ITGB2: variants seen among roughly 807,000 people sequenced by gnomAD.
ITGB2 encodes integrin subunit beta 2, also known as integrin beta-2.
A neutral mutation model predicts 86.8 loss-of-function variants in ITGB2; 56 were observed. That is an observed-to-expected ratio of 0.65 (90% CI 0.52 to 0.81). The LOEUF (loss-of-function observed/expected upper bound fraction) is 0.81. Among genes scored for constraint, ITGB2 ranks in the 30% least tolerant of loss-of-function variants. ITGB2 has a pLI of 0.00. For synonymous variants in ITGB2, 457 were observed against 450.4 expected (o/e 1.01, Z -0.19); for missense variants, 948 against 1,061.2 (o/e 0.89, Z 1.48).
chr21:44,905,521 G>A (rs1423388529), intron 4 of ITGB2, among the ~76,000 whole-genome samples: 1 of 152,170 alleles, frequency 6.6e-6, no homozygotes, highest in Non-Finnish European at 1.5e-5. Flanking sequence ...ACAAACTCTG[G>A]CCACAGGCAA....
chr21:44,900,537 A>G, intron 6 of ITGB2, 62 bp from the exon 7 acceptor site: 6 of 1,600,246 alleles, frequency 3.7e-6, no homozygotes, highest in Non-Finnish European at 5.1e-6. Context: ...GGCCCTCTGG[A>G]GCAGAGGAGA....
chr21:44,916,958 A>G (rs1244609062), intron 1 of ITGB2, among the ~76,000 whole-genome samples: 2 of 152,208 alleles, frequency 1.3e-5, no homozygotes, highest in Non-Finnish European at 2.9e-5. Context: ...TGCATAGAGG[A>G]AATAGCTATT....
intron 11 of ITGB2, among the ~76,000 whole-genome samples, chr21:44,890,459 G>A (rs913469460): frequency 3.7e-4 from 57 of 152,334 alleles, no homozygotes; most frequent in Admixed American, 2.2e-3. Context: ...CTTGGCCTGC[G>A]CATGCAGTGG....
At chr21:44,907,938 G>T in intron 3 of ITGB2, 1 of 623,134 alleles carries the variant, frequency 1.6e-6, no homozygotes, top group Non-Finnish European at 3.0e-6. Context: ...AAGTATCCCA[G>T]CAAGAGAGAA....
At chr21:44,900,232 G>T in intron 7 of ITGB2, 88 bp downstream of exon 7, 1 of 1,532,604 alleles carries the variant, frequency 6.5e-7, no homozygotes, top group South Asian at 1.1e-5. Flanking sequence ...GTCAGAAGGA[G>T]GCTCTGTCAG....
chr21:44,910,636 C>T, intron 2 of ITGB2, 89 bp downstream of exon 2: 1 of 1,522,190 alleles, frequency 6.6e-7, no homozygotes, highest in South Asian at 1.2e-5. Flanking sequence ...CTCCCGGGAA[C>T]TTCTGTCTAT....
At chr21:44,924,025 A>G (rs1330215562), upstream of ITGB2, among the ~76,000 whole-genome samples, 6 of 152,258 alleles carry the variant, frequency 3.9e-5, no homozygotes, top group Non-Finnish European at 5.9e-5. Context: ...TTCAGCAGCC[A>G]TAATCCTTTG....
intron 11 of ITGB2, among the ~76,000 whole-genome samples, chr21:44,891,026 G>A (rs1188785831): frequency 6.6e-6 from 1 of 152,112 alleles, no homozygotes; most frequent in Admixed American, 6.5e-5. Flanking sequence ...GGACCTGAAG[G>A]TGAGGAAGGG....
chr21:44,925,422 G>GGAAGGAAGGAAGGAA (rs1568915722), upstream of ITGB2, among the ~76,000 whole-genome samples: 1 of 54,740 alleles, frequency 1.8e-5, no homozygotes, highest in African/African-American at 1.1e-4. Context: ...GAGGGAGGGA[G>GGAAGGAAGGAAGGAA]GGAAGGAAGG....
chr21:44,924,569 A>G (rs1379552403), upstream of ITGB2, among the ~76,000 whole-genome samples: 1 of 152,226 alleles, frequency 6.6e-6, no homozygotes, highest in Non-Finnish European at 1.5e-5. Flanking sequence ...TGATAAACAC[A>G]TAATTACTAG....
upstream of ITGB2, among the ~76,000 whole-genome samples, chr21:44,925,281 C>T (rs2084357126): frequency 6.6e-6 from 1 of 151,384 alleles, no homozygotes; most frequent in Non-Finnish European, 1.5e-5. Context: ...TTGTTTCTTT[C>T]TTTCTTTTTT....
At chr21:44,926,674 C>A (rs1010659586) in intron 1 of ITGB2, 1 of 152,296 alleles carries the variant, frequency 6.6e-6, no homozygotes, top group Non-Finnish European at 1.5e-5. Flanking sequence ...GGTTTCTCAT[C>A]TGCTGAATCA....
At chr21:44,904,501 C>T (rs1023189896) in intron 4 of ITGB2, among the ~76,000 whole-genome samples, 1 of 151,842 alleles carries the variant, frequency 6.6e-6, no homozygotes, top group Non-Finnish European at 1.5e-5. Flanking sequence ...AATATGCACA[C>T]ACACCACAAA....
chr21:44,887,090 C>T (rs2083711387), intron 14 of ITGB2, among the ~76,000 whole-genome samples, 188 bp from the exon 15 acceptor site: 1 of 152,184 alleles, frequency 6.6e-6, no homozygotes, highest in Non-Finnish European at 1.5e-5. Flanking sequence ...GGATTCCAGG[C>T]CAGGCCCTGT....
Position 44,893,552 on chromosome 21 carries a change from CAG to C in ITGB2, c.1084-10_1084-9del, listed in dbSNP as rs745916130. ...GACCCTGGAGGAGAGTTTCTGCGGGCAGAGAGCGGTTACTCTTGGGGGCGAGT... is the reference window on the plus strand; with the variant it reads ...GACCCTGGAGGAGAGTTTCTGCGGGCAGAGCGGTTACTCTTGGGGGCGAGT... On this transcript the variant is annotated splice_polypyrimidine_tract_variant and intron_variant, in intron 9 of 15. Coordinates refer to ENST00000652462, the MANE Select transcript of ITGB2 (RefSeq NM_000211.5). 1 of 1,613,526 alleles carries C rather than the reference CAG, an allele frequency of 6.2e-7. No homozygotes were observed. Among genetic ancestry groups the C allele is most frequent in the East Asian group, 2.2e-5 (1 of 44,846 alleles).
rs1160038 is a variant in ITGB2, at chr21:44,891,132, C to T, written c.1412+677G>A. Among the ~76,000 whole-genome samples, 324 of 152,350 alleles carry T rather than the reference C, an allele frequency of 2.1e-3. 2 individuals carry two copies. Among genetic ancestry groups the T allele is most frequent in the South Asian group, 0.011 (53 of 4,828 alleles). ...GAGTCCTGGGAGGTCAGCCTAGCAG[C>T]TCTGGCCAGGCAAGCAAGGAAAGGG... is the stretch of plus-strand genomic sequence containing the variant. On this transcript the variant is annotated intron_variant, in intron 11 of 15. Transcript: ENST00000652462.
chr21:44,886,950 T>C, intron 14 of ITGB2, 48 bp from the exon 15 acceptor site: 1 of 1,604,942 alleles, frequency 6.2e-7, no homozygotes. Flanking sequence ...CCCATCTCAC[T>C]GAGCCGTGTG....
intron 6 of ITGB2, 130 bp from the exon 7 acceptor site, chr21:44,900,605 T>C: frequency 9.0e-7 from 1 of 1,114,028 alleles, no homozygotes; most frequent in Non-Finnish European, 1.3e-6. Context: ...TTCCCCTGGG[T>C]CTCAGGGACC....
At chr21:44,918,180 G>C (rs979942724) in intron 1 of ITGB2, among the ~76,000 whole-genome samples, 7 of 152,244 alleles carry the variant, frequency 4.6e-5, no homozygotes, top group African/African-American at 1.4e-4. Context: ...GCAAATGCCT[G>C]TGTCACTGAC....
Sources: allele counts gnomAD v4.1 joint callset (sites outside exome capture counted in the v4.1 genomes callset), GRCh38; gene constraint gnomAD v4.1.1; transcripts MANE v1.5; gene names NCBI Gene and HGNC (gene_info 2026-07-23, HGNC 2026-07-21).